The following CAMK4 variants were observed in gnomAD, a reference collection of about 807,000 sequenced individuals.
CAMK4 encodes calcium/calmodulin dependent protein kinase IV, also known as calcium/calmodulin-dependent protein kinase type IV.
CAMK4 carries 22 observed loss-of-function variants against 44.9 expected under a neutral mutation model. The observed-to-expected ratio is 0.49, with a 90% confidence interval of 0.35 to 0.70. CAMK4 has a LOEUF of 0.70. CAMK4 is among the 30% of genes least tolerant of loss of function. CAMK4 has a pLI of 0.01. For synonymous variants in CAMK4, 218 were observed against 215.4 expected, an observed-to-expected ratio of 1.01 and a Z score of -0.11; for missense variants, 498 against 586.8, an observed-to-expected ratio of 0.85 and a Z score of 1.56.
At chr5:111,454,093 T>G (rs185145043) in intron 7 of CAMK4, among the ~76,000 whole-genome samples, 2 of 152,182 alleles carry the variant, frequency 1.3e-5, no homozygotes, top group East Asian at 3.8e-4. Context: ...CATCATAATA[T>G]ATATAAAGAA....
intron 5 of CAMK4, among the ~76,000 whole-genome samples, chr5:111,439,529 A>T (rs1422574738): frequency 6.6e-6 from 1 of 152,134 alleles, no homozygotes; most frequent in Non-Finnish European, 1.5e-5. Context: ...ATTTGTAGGG[A>T]TTGGGAATAC....
At chr5:111,330,025 G>A (rs1052652496) in intron 1 of CAMK4, among the ~76,000 whole-genome samples, 3 of 150,998 alleles carry the variant, frequency 2.0e-5, no homozygotes, top group Admixed American at 6.6e-5. Context: ...AAAGTTTGAA[G>A]TAAAACTATT....
chr5:111,420,476 A>G (rs374600259), intron 5 of CAMK4, among the ~76,000 whole-genome samples: 3 of 152,034 alleles, frequency 2.0e-5, no homozygotes, highest in Non-Finnish European at 2.9e-5. Flanking sequence ...CCAACACTAT[A>G]TTGAATAGGA....
chr5:111,232,571 C>A (rs866039390), intron 1 of CAMK4, among the ~76,000 whole-genome samples: 2 of 151,890 alleles, frequency 1.3e-5, no homozygotes, highest in African/African-American at 4.8e-5. Context: ...CAAAGACAAC[C>A]TGTTTAAAAA....
At chr5:111,353,718 T>C (rs760042229) in intron 2 of CAMK4, among the ~76,000 whole-genome samples, 28 of 139,628 alleles carry the variant, frequency 2.0e-4, no homozygotes, top group Admixed American at 3.6e-4. Context: ...ACAAACTATC[T>C]GAAAAAGAAA....
chr5:111,294,633 T>A (rs1304764812), intron 1 of CAMK4, among the ~76,000 whole-genome samples: 1 of 152,158 alleles, frequency 6.6e-6, no homozygotes, highest in Non-Finnish European at 1.5e-5. Flanking sequence ...ACACAACTGA[T>A]GCACATGTTC....
In CAMK4 at chr5:111,492,656, C is replaced by CTAAT. The variant is rs1755892900; in HGVS notation, c.*8192_*8195dup. On this transcript the variant is annotated 3_prime_UTR_variant, in exon 11 of 11. Coordinates refer to ENST00000282356, the MANE Select transcript of CAMK4 (RefSeq NM_001744.6). ...AATCACATTGTAAGGAAGTGATTTTCTAATTTTGAAGCTTCCCAGGAGCAG... is the reference window on the plus strand; with the variant it reads ...AATCACATTGTAAGGAAGTGATTTTCTAATTAATTTTGAAGCTTCCCAGGAGCAG... 6.6e-6 allele frequency: 1 copy of CTAAT among 152,152 alleles called. No homozygotes were observed. Among genetic ancestry groups the CTAAT allele is most frequent in the Non-Finnish European group, 1.5e-5 (1 of 68,024 alleles). The allele number at this position is 152,152 out of a possible 1,614,324, so 9.4% of individuals were successfully genotyped here.
At chr5:111,379,748 T>C (rs553362776) in intron 4 of CAMK4, among the ~76,000 whole-genome samples, 3 of 152,216 alleles carry the variant, frequency 2.0e-5, no homozygotes, top group Admixed American at 6.5e-5. Context: ...ATGAATGAAC[T>C]AGGGGAGTAA....
chr5:111,225,282 T>C (rs1748132230), intron 1 of CAMK4, among the ~76,000 whole-genome samples: 1 of 152,202 alleles, frequency 6.6e-6, no homozygotes, highest in East Asian at 1.9e-4. Flanking sequence ...TTCCCTTCTT[T>C]CATGGGCTGG....
intron 9 of CAMK4, 77 bp downstream of exon 9, chr5:111,478,584 TAAAATTTTACCCATATTAA>T: frequency 1.4e-6 from 1 of 702,778 alleles, no homozygotes; most frequent in Non-Finnish European, 2.1e-6. Flanking sequence ...TACAATTTTT[TAAAATTTTACCCATATTAA>T]TGCCATATTT....
intron 7 of CAMK4, among the ~76,000 whole-genome samples, chr5:111,460,472 G>A (rs144498582): frequency 0.012 from 1,786 of 151,762 alleles, 42 homozygotes; most frequent in African/African-American, 0.041. Context: ...GGGTTTCACC[G>A]TGTTGCCCAG....
intron 1 of CAMK4, among the ~76,000 whole-genome samples, chr5:111,269,393 T>A (rs1750402975): frequency 6.6e-6 from 1 of 152,180 alleles, no homozygotes; most frequent in African/African-American, 2.4e-5. Context: ...CCTCTTCAAG[T>A]GACATCTGGT....
rs73230481 is a variant in CAMK4 at position 111,260,529 on chromosome 5, C to A, written c.161+35885C>A. Among the ~76,000 whole-genome samples the A allele has an allele frequency of 8.4e-3, 1,282 of 152,200 alleles. 18 individuals are homozygous for A. The highest frequency in any genetic ancestry group is 0.03 in the African/African-American group (1,229 of 41,528). On this transcript the variant is annotated intron_variant, in intron 1 of 10. Transcript: ENST00000282356. ...GTCTTCCTATATTTTCAGTTATAAC[C>A]CAGTGTTCTTGTCTTAAATATGCAT...
At chr5:111,377,305 A>T (rs1751250212) in intron 4 of CAMK4, among the ~76,000 whole-genome samples, 2 of 152,096 alleles carry the variant, frequency 1.3e-5, no homozygotes, top group African/African-American at 4.8e-5. Context: ...ATTATAAAAA[A>T]TTAAACATGT....
chr5:111,466,762 A>T (rs10058280), intron 7 of CAMK4, among the ~76,000 whole-genome samples: 1 of 152,030 alleles, frequency 6.6e-6, no homozygotes, highest in Non-Finnish European at 1.5e-5. Context: ...GAAAATGACC[A>T]CATTGTCAAA....
intron 2 of CAMK4, among the ~76,000 whole-genome samples, chr5:111,351,447 A>G (rs1304404857): frequency 6.7e-6 from 1 of 148,602 alleles, no homozygotes; most frequent in African/African-American, 2.5e-5. Context: ...CTTTTGTTGT[A>G]CATGCTGGAG....
intron 4 of CAMK4, among the ~76,000 whole-genome samples, chr5:111,390,511 C>T (rs969539312): frequency 6.6e-6 from 1 of 152,100 alleles, no homozygotes; most frequent in Non-Finnish European, 1.5e-5. Flanking sequence ...AAGAAAAGTA[C>T]TTTCTGAAAA....
In CAMK4 at chr5:111,350,865, C is replaced by A. The variant is rs149776974; in HGVS notation, c.240+6763C>A. Among the ~76,000 whole-genome samples, 278 of 152,066 alleles carry A rather than the reference C, an allele frequency of 1.8e-3. 1 individual carries two copies. Among genetic ancestry groups the A allele is most frequent in the Non-Finnish European group, 2.9e-3 (195 of 67,964 alleles). ...TGGTTTTTAACTTCCATTTATTTGT[C>A]CTTACATTCTTATGAGTTAGCATTT... On this transcript the variant is annotated intron_variant, in intron 2 of 10. Transcript: ENST00000282356.
intron 1 of CAMK4, among the ~76,000 whole-genome samples, chr5:111,248,547 C>T (rs1490761619): frequency 1.3e-5 from 2 of 150,422 alleles, no homozygotes; most frequent in African/African-American, 2.4e-5. Flanking sequence ...AAGTGAAGGT[C>T]CTGAAAGCGA....
Sources: allele counts gnomAD v4.1 joint callset (sites outside exome capture counted in the v4.1 genomes callset), GRCh38; gene constraint gnomAD v4.1.1; transcripts MANE v1.5; gene names NCBI Gene and HGNC (gene_info 2026-07-23, HGNC 2026-07-21).